PPP3CA: variants seen among roughly 807,000 people sequenced by gnomAD.
PPP3CA encodes CAM-PRP catalytic subunit.
Under a neutral mutation model 66.5 loss-of-function variants are expected in PPP3CA, and 14 were observed. The observed-to-expected ratio is 0.21, with a 90% CI of 0.14 to 0.33. The LOEUF is 0.33. Among genes scored for constraint, PPP3CA ranks in the 10% least tolerant of loss-of-function variants. PPP3CA has a pLI of 1.00. For missense variants in PPP3CA, 317 were observed against 639.5 expected, an observed-to-expected ratio of 0.50 and a Z score of 5.44; for synonymous variants, 232 against 226.2, an observed-to-expected ratio of 1.03 and a Z score of -0.23.
intron 1 of PPP3CA, among the ~76,000 whole-genome samples, chr4:101,269,149 A>C (rs1727255637): frequency 6.6e-6 from 1 of 152,122 alleles, no homozygotes; most frequent in Admixed American, 6.6e-5. Context: ...TGCCCTCCTC[A>C]TCGTCTATGA....
At chr4:101,261,953 T>G (rs1727022406) in intron 1 of PPP3CA, among the ~76,000 whole-genome samples, 1 of 152,192 alleles carries the variant, frequency 6.6e-6, no homozygotes, top group Non-Finnish European at 1.5e-5. Flanking sequence ...TACTCATATT[T>G]TTCTGTAGGA....
chr4:101,162,406 T>C (rs1284160331), intron 2 of PPP3CA, among the ~76,000 whole-genome samples: 2 of 151,652 alleles, frequency 1.3e-5, no homozygotes, highest in African/African-American at 4.8e-5. Context: ...TGGCGGGTGC[T>C]GGTAATCCCA....
At chr4:101,111,294 T>G (rs1301379096) in intron 2 of PPP3CA, among the ~76,000 whole-genome samples, 4 of 152,196 alleles carry the variant, frequency 2.6e-5, no homozygotes, top group Non-Finnish European at 4.4e-5. Context: ...AAACAAATTA[T>G]GAAGCAAGAC....
At chr4:101,239,937 C>G (rs1726247405) in intron 1 of PPP3CA, among the ~76,000 whole-genome samples, 2 of 150,982 alleles carry the variant, frequency 1.3e-5, no homozygotes, top group African/African-American at 2.4e-5. Flanking sequence ...ACACTGACAT[C>G]AGGCAGATCT....
chr4:101,189,765 C>A (rs1724537580), intron 2 of PPP3CA, among the ~76,000 whole-genome samples: 1 of 150,562 alleles, frequency 6.6e-6, no homozygotes, highest in African/African-American at 2.4e-5. Context: ...GTTTATCCCC[C>A]AAAAAACTAT....
chr4:101,104,643 T>C (rs1730581476), intron 3 of PPP3CA, among the ~76,000 whole-genome samples: 1 of 152,134 alleles, frequency 6.6e-6, no homozygotes, highest in Admixed American at 6.5e-5. Context: ...CAAGAATAAA[T>C]GAGGTCATTC....
At chr4:101,113,447 C>T (rs867774377) in intron 2 of PPP3CA, among the ~76,000 whole-genome samples, 6 of 152,072 alleles carry the variant, frequency 3.9e-5, no homozygotes, top group Admixed American at 6.6e-5. Context: ...TCTTTCATTG[C>T]TCATTCTAGG....
chr4:101,238,658 C>T (rs1726202558), intron 1 of PPP3CA, among the ~76,000 whole-genome samples: 2 of 151,986 alleles, frequency 1.3e-5, no homozygotes, highest in Admixed American at 1.3e-4. Flanking sequence ...AGATGGGATT[C>T]AAAAATCATC....
intron 3 of PPP3CA, among the ~76,000 whole-genome samples, chr4:101,106,461 A>AAAGAAAGAAAG (rs1315099679): frequency 4.5e-5 from 1 of 22,038 alleles, no homozygotes; most frequent in Non-Finnish European, 8.5e-5. Flanking sequence ...AAGAGAAAAG[A>AAAGAAAGAAAG]AAAGAAAAGA....
chr4:101,056,066 T>A (rs1728210825), intron 10 of PPP3CA, among the ~76,000 whole-genome samples: 1 of 152,118 alleles, frequency 6.6e-6, no homozygotes, highest in African/African-American at 2.4e-5. Context: ...TGTAACCACA[T>A]GTGGTGGGAA....
chr4:101,110,995 C>G (rs1282022419), intron 2 of PPP3CA, among the ~76,000 whole-genome samples: 1 of 152,044 alleles, frequency 6.6e-6, no homozygotes, highest in Non-Finnish European at 1.5e-5. Flanking sequence ...ATCTTAAAAA[C>G]TTAATTAGCA....
chr4:101,173,106 G>T (rs560621418), intron 2 of PPP3CA, among the ~76,000 whole-genome samples: 1 of 152,184 alleles, frequency 6.6e-6, no homozygotes, highest in East Asian at 1.9e-4. Context: ...CATTGGGCCA[G>T]TGTAATAATA....
chr4:101,062,781 T>A (rs772049360), intron 9 of PPP3CA, among the ~76,000 whole-genome samples: 4 of 152,018 alleles, frequency 2.6e-5, no homozygotes, highest in Admixed American at 6.6e-5. Flanking sequence ...TTGTAGCCAT[T>A]AAGCACTATC....
intron 1 of PPP3CA, among the ~76,000 whole-genome samples, chr4:101,268,229 T>A (rs533549282): frequency 6.6e-6 from 1 of 151,976 alleles, no homozygotes; most frequent in Non-Finnish European, 1.5e-5. Context: ...AGAAGAAAAA[T>A]TGATAAATTC....
intron 10 of PPP3CA, among the ~76,000 whole-genome samples, chr4:101,049,501 T>C (rs1727918231): frequency 6.6e-6 from 1 of 152,146 alleles, no homozygotes; most frequent in Non-Finnish European, 1.5e-5. Context: ...CTAAATTTAA[T>C]AATATCAATT....
intron 2 of PPP3CA, among the ~76,000 whole-genome samples, chr4:101,113,489 G>A (rs915114302): frequency 2.0e-5 from 3 of 152,060 alleles, no homozygotes; most frequent in Non-Finnish European, 2.9e-5. Flanking sequence ...ACTATTATAT[G>A]AAAGAATCGT....
At chr4:101,247,801 T>C (rs896020274) in intron 1 of PPP3CA, among the ~76,000 whole-genome samples, 15 of 152,138 alleles carry the variant, frequency 9.9e-5, no homozygotes, top group Non-Finnish European at 1.6e-4. Flanking sequence ...AATAACAAAA[T>C]AGTAGCAGCA....
At position 101,233,799 on chromosome 4, in the gene PPP3CA, C is replaced by T. The variant is rs1398692707; in HGVS notation, c.59-37683G>A. Among the ~76,000 whole-genome samples, 5 of 150,874 alleles carry T rather than the reference C, an allele frequency of 3.3e-5. No individual in the cohort carries two copies. In the East Asian group the frequency reaches 9.8e-4, roughly 30 times the overall value. On this transcript the variant is annotated intron_variant, in intron 1 of 13. Coordinates refer to ENST00000394854, the MANE Select transcript of PPP3CA (RefSeq NM_000944.5). ...TGTGCAGGTTTGTGATATAGGTAAA[C>T]TCATGTCACGAAGGTTTGACATACT...
At chr4:101,146,394 A>G (rs1478204040) in intron 2 of PPP3CA, among the ~76,000 whole-genome samples, 5 of 152,342 alleles carry the variant, frequency 3.3e-5, no homozygotes, top group African/African-American at 1.2e-4. Flanking sequence ...TGAACTAATT[A>G]ACTTGACTTA....
Sources: gnomAD v4.1 joint callset for allele counts (sites outside exome capture counted in the v4.1 genomes callset) on GRCh38, gnomAD v4.1.1 for gene constraint, MANE v1.5 for transcripts, NCBI Gene and HGNC (gene_info 2026-07-23, HGNC 2026-07-21) for gene names.